The following NAV2 variants were observed in gnomAD, a reference collection of about 807,000 sequenced individuals.
NAV2 encodes neuron navigator 2.
Under a neutral mutation model 223.2 loss-of-function variants are expected in NAV2, and 54 were observed. The ratio of observed to expected loss-of-function variants is 0.24; its 90% CI spans 0.19 to 0.30. The LOEUF is 0.30. Ranked by LOEUF, NAV2 falls within the 10% of genes least tolerant of loss-of-function variation. NAV2 has a pLI of 1.00. For missense variants in NAV2, 2,806 were observed against 3,147.5 expected (o/e 0.89, Z 2.60); for synonymous variants, 1,279 against 1,239.3 (o/e 1.03, Z -0.67).
At chr11:19,672,117 C>G (rs559981833) in intron 1 of NAV2, among the ~76,000 whole-genome samples, 3 of 152,218 alleles carry the variant, frequency 2.0e-5, no homozygotes, top group Admixed American at 6.5e-5. Context: ...AACAGCAAGC[C>G]AGGGGATGGA....
intron 36 of NAV2, among the ~76,000 whole-genome samples, chr11:20,112,244 G>A (rs11025390): frequency 0.015 from 2,260 of 152,240 alleles, 42 homozygotes; most frequent in East Asian, 0.04. Flanking sequence ...CCCCTCACAC[G>A]ATTCCTTCCT....
At chr11:19,950,941 A>G (rs1201675177) in intron 10 of NAV2, among the ~76,000 whole-genome samples, 1 of 152,224 alleles carries the variant, frequency 6.6e-6, no homozygotes, top group Non-Finnish European at 1.5e-5. Context: ...GAAACCAAGC[A>G]AGGTTCTTCT....
intron 23 of NAV2, 80 bp from the exon 24 acceptor site, chr11:20,077,913 G>A (rs1031440779): frequency 3.5e-6 from 4 of 1,138,102 alleles, no homozygotes; most frequent in Non-Finnish European, 5.2e-6. Flanking sequence ...CGCTCCTCCT[G>A]TGTTGAAGCC....
intron 2 of NAV2, among the ~76,000 whole-genome samples, chr11:19,835,628 T>TTAAAAGAAAATGTAAAAATATATTTG (rs1189128436): frequency 6.6e-6 from 1 of 152,084 alleles, no homozygotes; most frequent in Non-Finnish European, 1.5e-5. Flanking sequence ...TACATGCCCA[T>TTAAAAGAAAATGTAAAAATATATTTG]TAAAAGAAAA....
At chr11:19,925,652 GC>G (rs930969203) in intron 6 of NAV2, among the ~76,000 whole-genome samples, 1 of 151,818 alleles carries the variant, frequency 6.6e-6, no homozygotes, top group African/African-American at 2.4e-5. Context: ...GGAGGCTGAG[GC>G]AAGAGAATTG....
At chr11:19,912,045 T>C (rs527552210) in intron 6 of NAV2, among the ~76,000 whole-genome samples, 3 of 152,326 alleles carry the variant, frequency 2.0e-5, no homozygotes, top group South Asian at 2.1e-4. Context: ...ATTTCATCAT[T>C]GAATTTCTAC....
At chr11:19,423,561 G>T (rs903915587) in intron 1 of NAV2, among the ~76,000 whole-genome samples, 1 of 152,212 alleles carries the variant, frequency 6.6e-6, no homozygotes, top group Admixed American at 6.5e-5. Flanking sequence ...CATTTATTGA[G>T]CATCTACTCT....
intron 1 of NAV2, among the ~76,000 whole-genome samples, chr11:19,525,500 G>A (rs115330032): frequency 0.015 from 2,278 of 152,264 alleles, 58 homozygotes; most frequent in African/African-American, 0.051. Flanking sequence ...TGGAAACCAC[G>A]CATCTTCTTT....
At chr11:19,938,143 G>C (rs1427356086) in intron 7 of NAV2, among the ~76,000 whole-genome samples, 1 of 152,192 alleles carries the variant, frequency 6.6e-6, no homozygotes, top group Non-Finnish European at 1.5e-5. Context: ...GCAGGAGATG[G>C]GGCTGGAAAT....
Position 19,693,530 on chromosome 11 carries a change from A to C in NAV2, c.76-138954A>C, listed in dbSNP as rs73426669. Among the ~76,000 whole-genome samples the C allele has an allele frequency of 4.5e-3, 690 of 152,352 alleles. 2 individuals carry two copies. The highest frequency in any genetic ancestry group is 0.016 in the African/African-American group (651 of 41,566). On this transcript the variant is annotated intron_variant, in intron 1 of 37. Transcript: ENST00000360655. ...CAAAGTCATCTTTTGAGGAAAATAA[A>C]ACAAAAATATATTTAGAAAACATTG...
At chr11:19,632,176 G>C (rs1388605610) in intron 1 of NAV2, among the ~76,000 whole-genome samples, 2 of 152,350 alleles carry the variant, frequency 1.3e-5, no homozygotes, top group East Asian at 3.9e-4. Context: ...GGATCAGTGA[G>C]AGCACACCCC....
intron 20 of NAV2, among the ~76,000 whole-genome samples, chr11:20,065,594 A>G (rs1168606233): frequency 6.6e-6 from 1 of 152,210 alleles, no homozygotes; most frequent in African/African-American, 2.4e-5. Flanking sequence ...ACATAGTGTT[A>G]CCAGATGTGC....
At chr11:19,498,341 A>T (rs544357215) in intron 1 of NAV2, among the ~76,000 whole-genome samples, 5 of 152,222 alleles carry the variant, frequency 3.3e-5, no homozygotes, top group Admixed American at 6.5e-5. Flanking sequence ...CACAGTCTTT[A>T]GAAAATTGGC....
intron 4 of NAV2, among the ~76,000 whole-genome samples, chr11:19,876,825 C>T (rs563668198): frequency 6.6e-6 from 1 of 151,332 alleles, no homozygotes; most frequent in Admixed American, 6.6e-5. Flanking sequence ...AAAAATGCAT[C>T]ACAGAATATT....
At chr11:19,639,397 C>G (rs888127724) in intron 1 of NAV2, among the ~76,000 whole-genome samples, 7 of 152,214 alleles carry the variant, frequency 4.6e-5, no homozygotes, top group African/African-American at 1.7e-4. Context: ...GGAGCCCCCT[C>G]CACCACCATC....
At chr11:20,000,009 C>T (rs1366249239) in intron 11 of NAV2, among the ~76,000 whole-genome samples, 1 of 152,220 alleles carries the variant, frequency 6.6e-6, no homozygotes, top group Non-Finnish European at 1.5e-5. Context: ...TGTGTCACCT[C>T]CATGGTGCAG....
intron 1 of NAV2, among the ~76,000 whole-genome samples, chr11:19,746,731 A>G (rs1328163559): frequency 6.6e-6 from 1 of 151,962 alleles, no homozygotes; most frequent in African/African-American, 2.4e-5. Context: ...TTCACCTCGT[A>G]TTGCCCCATC....
chr11:19,520,166 C>T (rs1360288829), intron 1 of NAV2, among the ~76,000 whole-genome samples: 1 of 152,168 alleles, frequency 6.6e-6, no homozygotes, highest in African/African-American at 2.4e-5. Context: ...AGCCACTGAC[C>T]ACAGGGACCC....
chr11:20,038,380 TA>T (rs767751705), intron 12 of NAV2, among the ~76,000 whole-genome samples: 1 of 151,008 alleles, frequency 6.6e-6, no homozygotes. Flanking sequence ...AAATGAAAAC[TA>T]AAAAAAAAGT....
Sources: allele counts gnomAD v4.1 joint callset (sites outside exome capture counted in the v4.1 genomes callset), GRCh38; gene constraint gnomAD v4.1.1; transcripts MANE v1.5; gene names NCBI Gene and HGNC (gene_info 2026-07-23, HGNC 2026-07-21).